SCGB1C1: variants seen among roughly 807,000 people sequenced by gnomAD.
SCGB1C1 encodes the protein ligand binding protein RYD5.
In SCGB1C1, 2 loss-of-function variants were observed where a neutral mutation model predicts 8.9. That is an observed-to-expected ratio of 0.23 (90% confidence interval 0.09 to 0.71). The LOEUF is 0.71. SCGB1C1 is among the 30% of genes least tolerant of loss of function. The pLI is 0.78. For synonymous variants in SCGB1C1, 6 were observed against 45.8 expected (o/e 0.13, Z 3.51); for missense variants, 25 against 112.7 (o/e 0.22, Z 3.52).
upstream of SCGB1C1, among the ~76,000 whole-genome samples, chr11:191,855 CCCCTAACCCCTAA>C (rs1372474851): frequency 0.035 from 558 of 16,024 alleles, 1 homozygote; most frequent in African/African-American, 0.069. Context: ...CTAACCCTAA[CCCCTAACCCCTAA>C]CCCTAACCCT....
At chr11:191,868 ACCCTAACCCTAACCCTAACCCCTAC>A (rs1854817675), upstream of SCGB1C1, among the ~76,000 whole-genome samples, 2 of 46,692 alleles carry the variant, frequency 4.3e-5, no homozygotes, top group South Asian at 1.1e-3. Context: ...CTAACCCCTA[ACCCTAACCCTAACCCTAACCCCTAC>A]CCCTAACCCC....
At chr11:191,787 C>T (rs867029699), upstream of SCGB1C1, among the ~76,000 whole-genome samples, 1,303 of 151,778 alleles carry the variant, frequency 8.6e-3, no homozygotes, top group Middle Eastern at 0.024. Flanking sequence ...GACCAAAATA[C>T]GCCACCCCAA....
At chr11:189,956 G>A (rs1854762228), upstream of SCGB1C1, among the ~76,000 whole-genome samples, 3 of 151,868 alleles carry the variant, frequency 2.0e-5, no homozygotes, top group Admixed American at 6.5e-5. Context: ...GCTGGCAGAT[G>A]GGGACACTGC....
chr11:188,105 T>TA (rs1311126399), upstream of SCGB1C1, among the ~76,000 whole-genome samples: 4 of 151,592 alleles, frequency 2.6e-5, no homozygotes, highest in Non-Finnish European at 4.4e-5. Flanking sequence ...ATCCGGGCTG[T>TA]AACCAGGTCT....
intron 2 of SCGB1C1, among the ~76,000 whole-genome samples, 163 bp downstream of exon 2, chr11:194,074 C>T (rs1247013971): frequency 3.7e-5 from 5 of 134,928 alleles, no homozygotes; most frequent in East Asian, 4.8e-4. Context: ...TCCTGTCCAC[C>T]GAGCAGCCCC....
intron 2 of SCGB1C1, 21 bp from the exon 3 acceptor site, chr11:194,397 C>T (rs766883895): frequency 5.4e-6 from 4 of 746,140 alleles, no homozygotes; most frequent in Non-Finnish European, 7.0e-6. Context: ...CCCTCTTAGT[C>T]CACATGTGTC....
At chr11:194,304 A>G in intron 2 of SCGB1C1, 114 bp from the exon 3 acceptor site, 2 of 817,856 alleles carry the variant, frequency 2.4e-6, no homozygotes, top group South Asian at 2.8e-5. Context: ...CTGGGAGGAG[A>G]TAGGCAGCAA....
chr11:191,956 C>T (rs7104331), upstream of SCGB1C1, among the ~76,000 whole-genome samples: 8,373 of 149,730 alleles, frequency 0.056, no homozygotes, highest in South Asian at 0.093. Context: ...AACGTTGATC[C>T]CTAACCCTAA....
intron 2 of SCGB1C1, 93 bp from the exon 3 acceptor site, chr11:194,325 C>G (rs1854878431): frequency 7.5e-6 from 9 of 1,198,040 alleles, no homozygotes; most frequent in Non-Finnish European, 1.1e-5. Context: ...TATGCCAGAC[C>G]CCCCCCCACT....
At chr11:193,485 G>C (rs1854852822) in intron 1 of SCGB1C1, among the ~76,000 whole-genome samples, 1 of 152,066 alleles carries the variant, frequency 6.6e-6, no homozygotes, top group South Asian at 2.1e-4. Flanking sequence ...GGTGATCCCA[G>C]GGAATGCTGA....
chr11:193,703 G>T lies in SCGB1C1; in HGVS notation c.56-9G>T, dbSNP rs202040177. The T allele has an allele frequency of 1.2e-6, 2 of 1,611,932 alleles. No individual in the cohort carries two copies. The highest frequency in any genetic ancestry group is 2.7e-5 in the African/African-American group (2 of 74,918). ...GTCCTGTCCTGGCATCATCTCGCTC[G>T]TGATGCAGGGATGGCCACAGGGGAG... On this transcript the variant is annotated splice_polypyrimidine_tract_variant and intron_variant, in intron 1 of 2. Transcript: ENST00000342878.
At chr11:188,102 C>A (rs1405352295), upstream of SCGB1C1, among the ~76,000 whole-genome samples, 3 of 151,558 alleles carry the variant, frequency 2.0e-5, no homozygotes, top group East Asian at 1.9e-4. Context: ...CAAATCCGGG[C>A]TGTAACCAGG....
At chr11:193,537 G>A (rs1317373322) in intron 1 of SCGB1C1, among the ~76,000 whole-genome samples, 175 bp from the exon 2 acceptor site, 1 of 152,292 alleles carries the variant, frequency 6.6e-6, no homozygotes, top group Admixed American at 6.5e-5. Flanking sequence ...ATGTGGAGGG[G>A]TCTTCGGGCA....
upstream of SCGB1C1, among the ~76,000 whole-genome samples, chr11:192,243 C>A (rs1435672405): frequency 2.7e-5 from 4 of 150,816 alleles, no homozygotes; most frequent in Non-Finnish European, 5.9e-5. Flanking sequence ...ACTGGGACAC[C>A]CCTACTCATG....
At chr11:194,126 C>T (rs1398727448) in intron 2 of SCGB1C1, among the ~76,000 whole-genome samples, 1 of 128,312 alleles carries the variant, frequency 7.8e-6, no homozygotes, top group African/African-American at 2.9e-5. Flanking sequence ...GGATACTCCT[C>T]CATGCACACA....
At chr11:191,905 A>G (rs1335179115), upstream of SCGB1C1, among the ~76,000 whole-genome samples, 1 of 149,462 alleles carries the variant, frequency 6.7e-6, no homozygotes, top group South Asian at 2.1e-4. Flanking sequence ...CCTAACCCCT[A>G]ACCCTTACCG....
chr11:194,263 CCAT>C (rs1854877589), intron 2 of SCGB1C1, among the ~76,000 whole-genome samples, 152 bp from the exon 3 acceptor site: 1 of 145,300 alleles, frequency 6.9e-6, no homozygotes, highest in South Asian at 2.2e-4. Context: ...TGTGTGCACA[CCAT>C]CACATGTGCA....
At chr11:189,593 G>A (rs756747072), upstream of SCGB1C1, among the ~76,000 whole-genome samples, 58 of 152,104 alleles carry the variant, frequency 3.8e-4, no homozygotes, top group African/African-American at 1.3e-3. Flanking sequence ...ACGCGCCACC[G>A]GGACGAGAGC....
chr11:189,650 G>A (rs1854748971), upstream of SCGB1C1, among the ~76,000 whole-genome samples: 1 of 152,288 alleles, frequency 6.6e-6, no homozygotes, highest in Non-Finnish European at 1.5e-5. Context: ...CCTCGGGGGC[G>A]CGGCGCAGAG....
Sources: gnomAD v4.1 joint callset for allele counts (sites outside exome capture counted in the v4.1 genomes callset) on GRCh38, gnomAD v4.1.1 for gene constraint, MANE v1.5 for transcripts, NCBI Gene and HGNC (gene_info 2026-07-23, HGNC 2026-07-21) for gene names.